Variants in CPA6 observed in about 807,000 individuals in gnomAD.
The protein encoded by CPA6 is carboxypeptidase B.
Under a neutral mutation model 63.3 loss-of-function variants are expected in CPA6, and 58 were observed. The ratio of observed to expected loss-of-function variants is 0.92; its 90% confidence interval spans 0.74 to 1.14. The LOEUF (loss-of-function observed/expected upper bound fraction) is 1.14. Ranked by LOEUF, CPA6 falls within the 50% of genes most tolerant of loss-of-function variation. The pLI is 0.00. For missense variants in CPA6, 565 were observed against 526.6 expected (o/e 1.07, Z -0.71); for synonymous variants, 185 against 179.0 (o/e 1.03, Z -0.27).
At chr8:67,624,940 A>G (rs774102587) in intron 1 of CPA6, among the ~76,000 whole-genome samples, 13 of 152,144 alleles carry the variant, frequency 8.5e-5, no homozygotes, top group Non-Finnish European at 1.5e-4. Context: ...CACTGAGAAG[A>G]TGATTATTAC....
intron 1 of CPA6, among the ~76,000 whole-genome samples, chr8:67,657,512 TAA>T (rs1365588397): frequency 6.6e-6 from 1 of 152,176 alleles, no homozygotes; most frequent in African/African-American, 2.4e-5. Context: ...ATAGCAATGA[TAA>T]ATTGTTCAAC....
At chr8:67,597,366 T>A (rs1237469668) in intron 2 of CPA6, among the ~76,000 whole-genome samples, 1 of 151,992 alleles carries the variant, frequency 6.6e-6, no homozygotes, top group African/African-American at 2.4e-5. Flanking sequence ...ACCCAGCTAA[T>A]TTTTGTATTT....
At chr8:67,685,899 T>C (rs886164614) in intron 1 of CPA6, among the ~76,000 whole-genome samples, 1 of 152,148 alleles carries the variant, frequency 6.6e-6, no homozygotes, top group Non-Finnish European at 1.5e-5. Flanking sequence ...CTCTAATCTG[T>C]CACTATTTGA....
chr8:67,609,658 C>G (rs1271068111), intron 2 of CPA6, among the ~76,000 whole-genome samples: 1 of 152,014 alleles, frequency 6.6e-6, no homozygotes, highest in Non-Finnish European at 1.5e-5. Flanking sequence ...ATTGTTCTCC[C>G]CAGTATTTTC....
chr8:67,428,779 G>A (rs954838221), intron 9 of CPA6, among the ~76,000 whole-genome samples: 7 of 152,108 alleles, frequency 4.6e-5, no homozygotes, highest in African/African-American at 1.4e-4. Flanking sequence ...CACCGCACCC[G>A]GCCAGGGATA....
At chr8:67,721,971 A>G (rs1461953591) in intron 1 of CPA6, among the ~76,000 whole-genome samples, 1 of 152,222 alleles carries the variant, frequency 6.6e-6, no homozygotes, top group Non-Finnish European at 1.5e-5. Context: ...CCAATTGTTC[A>G]AACTGGGTTC....
chr8:67,523,100 T>C (rs1361695238), intron 2 of CPA6, among the ~76,000 whole-genome samples: 1 of 152,254 alleles, frequency 6.6e-6, no homozygotes, highest in Admixed American at 6.5e-5. Flanking sequence ...CTGCCACTTG[T>C]AGGCTGTTTT....
Position 67,607,180 on chromosome 8 carries a change from CTTCTTCTTCTTCTTCTTCTTCTTCTTCT to C in CPA6, c.192+16968_192+16995del, listed in dbSNP as rs1814673229. ...TCTTCTTCTTCTTCCTCTTCTTCTT[CTTCTTCTTCTTCTTCTTCTTCTTCTTCT>C]TCTTCTTCTTCTTCTTCTTCTTCTT... On this transcript the variant is annotated intron_variant, in intron 2 of 10. Coordinates refer to ENST00000297770, the MANE Select transcript of CPA6 (RefSeq NM_020361.5). Among the ~76,000 whole-genome samples, 8 of 19,112 alleles carry C rather than the reference CTTCTTCTTCTTCTTCTTCTTCTTCTTCT, an allele frequency of 4.2e-4. No individual in the cohort carries two copies. The East Asian group carries it at 4.8e-3, about 11-fold the overall frequency. 12.5% of individuals were successfully genotyped at this position (19,112 alleles called of 152,430 possible).
Position 67,506,804 on chromosome 8 carries a change from G to C in CPA6, c.619C>G (p.Gln207Glu), listed in dbSNP as rs35993949. 2.0e-3 allele frequency: 3,187 copies of C among 1,611,506 alleles called. 4 individuals carry two copies. Among genetic ancestry groups the C allele is most frequent in the Middle Eastern group, 2.5e-3 (15 of 6,050 alleles). ...TAACTTACTTCTTTTACAAACCACTGACAAAAGGCAGGACCAATCCATTCT... is the reference window on the plus strand; with the variant it reads ...TAACTTACTTCTTTTACAAACCACTCACAAAAGGCAGGACCAATCCATTCT... ...AREWIGPAFC[Q>E]WFVKEALLTY... The change falls in exon 6 of 11, where the codon CAG becomes GAG. Residue 207 changes from glutamine to glutamate, a missense_variant. Coordinates refer to ENST00000297770, the MANE Select transcript of CPA6 (RefSeq NM_020361.5).
chr8:67,619,170 AT>A (rs1287758355), intron 2 of CPA6, among the ~76,000 whole-genome samples: 4 of 152,190 alleles, frequency 2.6e-5, no homozygotes, highest in Non-Finnish European at 4.4e-5. Context: ...ATGTAGTCCA[AT>A]TACTTTCCAC....
rs1033741997 is a variant in CPA6 at position 67,478,884 on chromosome 8, C to T, written c.838+4884G>A. Among the ~76,000 whole-genome samples the T allele has an allele frequency of 1.1e-4, 17 of 152,176 alleles. No homozygotes were observed. The East Asian group carries it at 2.5e-3, about 23-fold the overall frequency. On this transcript the variant is annotated intron_variant, in intron 8 of 10. Coordinates refer to ENST00000297770, the MANE Select transcript of CPA6 (RefSeq NM_020361.5). ...ACTAAAAATACAAAAATTAGCCCGG[C>T]GTGGTGGTGGGTGCCTGTAATCCCA... is the stretch of plus-strand genomic sequence containing the variant.
At chr8:67,620,153 C>A (rs571934367) in intron 2 of CPA6, among the ~76,000 whole-genome samples, 1 of 152,168 alleles carries the variant, frequency 6.6e-6, no homozygotes, top group Non-Finnish European at 1.5e-5. Context: ...GCTCGTGACT[C>A]TCATGGATAG....
At chr8:67,467,768 C>T (rs374662853) in intron 8 of CPA6, among the ~76,000 whole-genome samples, 3 of 151,696 alleles carry the variant, frequency 2.0e-5, no homozygotes, top group African/African-American at 4.9e-5. Context: ...TTCTGGAGGC[C>T]GAGGGGGGCA....
chr8:67,706,879 G>C (rs1042996496), intron 1 of CPA6, among the ~76,000 whole-genome samples: 2 of 152,168 alleles, frequency 1.3e-5, no homozygotes, highest in Non-Finnish European at 2.9e-5. Context: ...CAAATGTAAA[G>C]TTTGGTTTTC....
intron 2 of CPA6, among the ~76,000 whole-genome samples, chr8:67,585,902 G>A (rs1813919965): frequency 6.6e-6 from 1 of 152,094 alleles, no homozygotes; most frequent in Non-Finnish European, 1.5e-5. Flanking sequence ...GTCATCCTGA[G>A]GCTATTAGTG....
intron 10 of CPA6, among the ~76,000 whole-genome samples, chr8:67,423,180 G>A (rs1035607833): frequency 2.0e-5 from 3 of 152,124 alleles, no homozygotes; most frequent in Non-Finnish European, 4.4e-5. Flanking sequence ...CGCCTCCTGG[G>A]TTCAAGTGAT....
intron 8 of CPA6, 142 bp downstream of exon 8, chr8:67,483,626 T>C: frequency 1.3e-6 from 1 of 749,382 alleles, no homozygotes; most frequent in African/African-American, 1.7e-5. Context: ...ACAGCTATCA[T>C]GTACGTATCT....
chr8:67,551,944 T>C (rs1186250196), intron 2 of CPA6, among the ~76,000 whole-genome samples: 1 of 152,202 alleles, frequency 6.6e-6, no homozygotes, highest in Non-Finnish European at 1.5e-5. Context: ...GCTGATGAAA[T>C]GGGCAGTGAA....
chr8:67,658,549 C>T (rs1400747796), intron 1 of CPA6, among the ~76,000 whole-genome samples: 1 of 152,168 alleles, frequency 6.6e-6, no homozygotes, highest in African/African-American at 2.4e-5. Context: ...AATCTCATTA[C>T]TTCAACACTC....
Sources: allele counts gnomAD v4.1 joint callset (sites outside exome capture counted in the v4.1 genomes callset), GRCh38; gene constraint gnomAD v4.1.1; transcripts MANE v1.5; gene names NCBI Gene and HGNC (gene_info 2026-07-23, HGNC 2026-07-21).